The following GAS7 variants were observed in gnomAD, a reference collection of about 807,000 sequenced individuals.
The protein encoded by GAS7 is growth arrest specific 7, also known as growth arrest-specific protein 7.
GAS7 carries 28 observed loss-of-function variants against 71.1 expected under a neutral mutation model. The ratio of observed to expected loss-of-function variants is 0.39; its 90% CI spans 0.29 to 0.54. The LOEUF (loss-of-function observed/expected upper bound fraction) is 0.54, where lower values mean the gene tolerates loss of function less well. Ranked by LOEUF, GAS7 falls within the 20% of genes least tolerant of loss-of-function variation. The pLI is 0.62. For missense variants in GAS7, 436 were observed against 627.8 expected, an observed-to-expected ratio of 0.69 and a Z score of 3.27; for synonymous variants, 258 against 245.8, an observed-to-expected ratio of 1.05 and a Z score of -0.46.
chr17:10,062,558 T>C (rs1195419970), intron 1 of GAS7, among the ~76,000 whole-genome samples: 1 of 152,220 alleles, frequency 6.6e-6, no homozygotes, highest in Non-Finnish European at 1.5e-5. Context: ...CCAATGATTC[T>C]CCATGGATAT....
At chr17:9,940,248 C>T (rs78133171) in intron 7 of GAS7, 48 bp from the exon 8 acceptor site, 27,818 of 1,440,636 alleles carry the variant, frequency 0.019, 336 homozygotes, top group African/African-American at 0.047. Flanking sequence ...AGTGCCAGAT[C>T]GTGGGTCTGC....
intron 5 of GAS7, among the ~76,000 whole-genome samples, chr17:9,953,818 G>A (rs1156580929): frequency 6.6e-6 from 1 of 152,234 alleles, no homozygotes; most frequent in East Asian, 1.9e-4. Flanking sequence ...AGGGGATGGG[G>A]ACCATCTTTT....
At chr17:9,952,396 TC>T (rs2069057222) in intron 5 of GAS7, among the ~76,000 whole-genome samples, 1 of 151,802 alleles carries the variant, frequency 6.6e-6, no homozygotes, top group African/African-American at 2.4e-5. Flanking sequence ...AGACACTTTT[TC>T]TTTTTTTTTT....
chr17:10,036,117 C>A (rs2072743931), intron 1 of GAS7, among the ~76,000 whole-genome samples: 1 of 152,158 alleles, frequency 6.6e-6, no homozygotes, highest in African/African-American at 2.4e-5. Flanking sequence ...CGAAACTGCT[C>A]CCCAGGTAAC....
rs2067513697 is a variant in GAS7, at chr17:9,914,055, G to T, written c.*3173C>A. 4.4e-6 allele frequency: 1 copy of T among 228,830 alleles called. No homozygotes were observed. Among genetic ancestry groups the T allele is most frequent in the Admixed American group, 5.7e-5 (1 of 17,632 alleles). 14.2% of individuals were successfully genotyped at this position (228,830 alleles called of 1,614,324 possible). The stretch of plus-strand genomic sequence containing the variant: ...CGGATAGCGTGCTTGCCTCTCCAAA[G>T]TGCAGTCTTTTATTTTCTCAGTTGC... On this transcript the variant is annotated 3_prime_UTR_variant, in exon 14 of 14. Coordinates refer to ENST00000432992, the MANE Select transcript of GAS7 (RefSeq NM_201433.2).
chr17:9,967,404 T>C (rs2069763184), intron 4 of GAS7, among the ~76,000 whole-genome samples: 1 of 131,074 alleles, frequency 7.6e-6, no homozygotes, highest in Non-Finnish European at 1.6e-5. Flanking sequence ...TGTCACCTAC[T>C]AGTTGCCAGT....
At position 10,172,603 on chromosome 17, in the gene GAS7, T is replaced by C. The variant is rs143365000; in HGVS notation, c.183+25605A>G. Among the ~76,000 whole-genome samples, 168 of 152,324 alleles carry C rather than the reference T, an allele frequency of 1.1e-3. 1 individual carries two copies. The highest frequency in any genetic ancestry group is 3.7e-3 in the African/African-American group (155 of 41,564). ...GAACATACAGAACTATCACTTGACA[T>C]CTGACTTTATAGCTTAGGAAGGGCT... On this transcript the variant is annotated intron_variant, in intron 1 of 13. Coordinates refer to ENST00000432992, the MANE Select transcript of GAS7 (RefSeq NM_201433.2).
intron 1 of GAS7, among the ~76,000 whole-genome samples, chr17:10,095,119 T>C (rs568669569): frequency 2.0e-5 from 3 of 152,284 alleles, no homozygotes; most frequent in African/African-American, 7.2e-5. Context: ...TTGACAATGA[T>C]AATAGGACCC....
chr17:9,918,067 C>T lies in GAS7; in HGVS notation c.1251G>A (p.Glu417=). ...ELERLEVERV[E]MIRQHLCQYT... ...ACTGGCACAGGTGCTGCCGGATCAT[C>T]TCTACCCTCTCCACCTCCAGCCGCT... The change falls in exon 13 of 14, where the codon GAG becomes GAA. Residue 417 remains glutamate, a synonymous_variant. Coordinates refer to ENST00000432992, the MANE Select transcript of GAS7 (RefSeq NM_201433.2). 1 of 1,613,896 alleles carries T rather than the reference C, an allele frequency of 6.2e-7. No individual in the cohort carries two copies. The highest frequency in any genetic ancestry group is 8.5e-7 in the Non-Finnish European group (1 of 1,179,810).
In GAS7 at chr17:10,198,302, G is replaced by A; in HGVS notation, c.89C>T (p.Thr30Met). ...GCCGCCGTCCGGGACCTGCAGCAGC[G>A]TGATCAGCTCGCCCGCGGCGAAGCG... ...GLRFAAGELI[T>M]LLQVPDGGWW... Residue 30 changes from threonine to methionine, a missense_variant, in exon 1 of 14, where the codon ACG (threonine) becomes ATG (methionine). By Grantham distance (81) the Thr-to-Met change is moderately conservative. Transcript: ENST00000432992. 6.2e-7 allele frequency: 1 copy of A among 1,603,994 alleles called. No homozygotes were observed. Among genetic ancestry groups the A allele is most frequent in the Non-Finnish European group, 8.5e-7 (1 of 1,179,370 alleles).
At chr17:10,028,983 A>G (rs2072541284) in intron 1 of GAS7, among the ~76,000 whole-genome samples, 1 of 152,244 alleles carries the variant, frequency 6.6e-6, no homozygotes. Flanking sequence ...AAGAATAAAC[A>G]AAGGTTGATG....
chr17:10,068,169 C>T (rs1188899581), intron 1 of GAS7, among the ~76,000 whole-genome samples: 1 of 152,162 alleles, frequency 6.6e-6, no homozygotes, highest in Non-Finnish European at 1.5e-5. Context: ...ACACAGCACC[C>T]CAAAGAGGGA....
At chr17:10,114,168 T>C (rs1319101264) in intron 1 of GAS7, among the ~76,000 whole-genome samples, 1 of 151,912 alleles carries the variant, frequency 6.6e-6, no homozygotes, top group Non-Finnish European at 1.5e-5. Context: ...GCTCAAGAAA[T>C]CCTCCTGCCT....
chr17:9,999,107 G>A (rs1325516599), intron 2 of GAS7, among the ~76,000 whole-genome samples: 2 of 152,188 alleles, frequency 1.3e-5, no homozygotes, highest in African/African-American at 4.8e-5. Context: ...TTCCGCTTAT[G>A]CATCAACTTT....
intron 1 of GAS7, among the ~76,000 whole-genome samples, chr17:10,073,054 G>A (rs886861254): frequency 6.6e-5 from 10 of 152,182 alleles, no homozygotes; most frequent in Non-Finnish European, 1.3e-4. Flanking sequence ...CAGGACCAGA[G>A]TGACAGCAAG....
At chr17:10,048,487 C>G (rs1444083302) in intron 1 of GAS7, among the ~76,000 whole-genome samples, 1 of 152,198 alleles carries the variant, frequency 6.6e-6, no homozygotes, top group Non-Finnish European at 1.5e-5. Flanking sequence ...TTGCTCACTG[C>G]TCTATCACGG....
intron 7 of GAS7, among the ~76,000 whole-genome samples, chr17:9,940,841 G>A (rs2068577289): frequency 6.6e-6 from 1 of 152,266 alleles, no homozygotes; most frequent in South Asian, 2.1e-4. Flanking sequence ...TCCCCAGGGA[G>A]TGTCCTGTAT....
At chr17:9,966,878 AATT>A (rs2069737050) in intron 4 of GAS7, among the ~76,000 whole-genome samples, 1 of 152,196 alleles carries the variant, frequency 6.6e-6, no homozygotes, top group African/African-American at 2.4e-5. Context: ...CCTGTTTCCT[AATT>A]ATTTTTAACT....
At chr17:10,076,905 A>G (rs1434818626) in intron 1 of GAS7, among the ~76,000 whole-genome samples, 1 of 152,176 alleles carries the variant, frequency 6.6e-6, no homozygotes, top group East Asian at 1.9e-4. Flanking sequence ...AATAACTCTT[A>G]CATTTCACCT....
Sources: gnomAD v4.1 joint callset for allele counts (sites outside exome capture counted in the v4.1 genomes callset) on GRCh38, gnomAD v4.1.1 for gene constraint, MANE v1.5 for transcripts, NCBI Gene and HGNC (gene_info 2026-07-23, HGNC 2026-07-21) for gene names.